The following PPP3CA variants were observed in gnomAD, a reference collection of about 807,000 sequenced individuals.
The protein encoded by PPP3CA is protein phosphatase 3 catalytic subunit alpha, also known as CAM-PRP catalytic subunit.
In PPP3CA, 14 loss-of-function variants were observed where a neutral mutation model predicts 66.5. The observed-to-expected ratio is 0.21, with a 90% confidence interval of 0.14 to 0.33. PPP3CA has a LOEUF of 0.33. Among genes scored for constraint, PPP3CA ranks in the 10% least tolerant of loss-of-function variants. The probability of loss-of-function intolerance (pLI) is 1.00; values close to 1 mark genes in which losing one functional copy is unlikely to be tolerated. For synonymous variants in PPP3CA, 232 were observed against 226.2 expected (o/e 1.03, Z -0.23); for missense variants, 317 against 639.5 (o/e 0.50, Z 5.44).
chr4:101,331,437 A>T (rs73835935), intron 1 of PPP3CA, among the ~76,000 whole-genome samples: 16,177 of 152,242 alleles, frequency 0.11, 2,922 homozygotes, highest in African/African-American at 0.37. Context: ...ATAATGTGCC[A>T]GGCATTGCAC....
intron 2 of PPP3CA, among the ~76,000 whole-genome samples, chr4:101,177,202 G>A (rs888326422): frequency 6.6e-6 from 1 of 152,082 alleles, no homozygotes; most frequent in Admixed American, 6.6e-5. Flanking sequence ...CAAAAGTTGA[G>A]GTTATCTCTT....
At position 101,069,397 on chromosome 4, in the gene PPP3CA, T is replaced by C. The variant is rs1728816969; in HGVS notation, c.956-6040A>G. Among the ~76,000 whole-genome samples the C allele has an allele frequency of 2.0e-5, 3 of 152,186 alleles. No individual in the cohort carries two copies. In the South Asian group the frequency reaches 6.2e-4, roughly 31 times the overall value. On this transcript the variant is annotated intron_variant, in intron 8 of 13. Transcript: ENST00000394854. The stretch of plus-strand genomic sequence containing the variant: ...CTTACTCACTAGGTGGAAATGGAAA[T>C]ACATTCTCAACCTCTATATACTTTA...
At chr4:101,159,156 C>A (rs951738383) in intron 2 of PPP3CA, among the ~76,000 whole-genome samples, 1 of 152,102 alleles carries the variant, frequency 6.6e-6, no homozygotes, top group Non-Finnish European at 1.5e-5. Context: ...ATACAGTCAG[C>A]CAAGATGTGA....
intron 1 of PPP3CA, among the ~76,000 whole-genome samples, chr4:101,197,381 T>G (rs1010597067): frequency 3.3e-4 from 51 of 152,348 alleles, no homozygotes; most frequent in African/African-American, 1.1e-3. Flanking sequence ...CATGATTTTC[T>G]GGACAATCCA....
intron 3 of PPP3CA, among the ~76,000 whole-genome samples, chr4:101,101,759 T>C (rs1379621542): frequency 6.6e-6 from 1 of 152,162 alleles, no homozygotes; most frequent in Non-Finnish European, 1.5e-5. Flanking sequence ...ATTTCAGCAT[T>C]CAGATGGCTC....
At chr4:101,185,077 G>A (rs1724368918) in intron 2 of PPP3CA, among the ~76,000 whole-genome samples, 1 of 151,906 alleles carries the variant, frequency 6.6e-6, no homozygotes, top group East Asian at 1.9e-4. Context: ...TTGGTCCTAT[G>A]CTAAAGTCAG....
At chr4:101,220,099 A>G (rs913886536) in intron 1 of PPP3CA, among the ~76,000 whole-genome samples, 2 of 151,872 alleles carry the variant, frequency 1.3e-5, no homozygotes, top group African/African-American at 2.4e-5. Flanking sequence ...ACTTAGGAAG[A>G]AAACATATTT....
At chr4:101,043,111 G>A (rs1284677340) in intron 10 of PPP3CA, among the ~76,000 whole-genome samples, 2 of 151,970 alleles carry the variant, frequency 1.3e-5, no homozygotes, top group Non-Finnish European at 2.9e-5. Context: ...ATATTTAGAA[G>A]CACAACAAGA....
chr4:101,157,858 T>C (rs1184600252), intron 2 of PPP3CA, among the ~76,000 whole-genome samples: 1 of 142,052 alleles, frequency 7.0e-6, no homozygotes, highest in Non-Finnish European at 1.5e-5. Flanking sequence ...AAACGGTTCC[T>C]TAGGAGGCAA....
intron 1 of PPP3CA, among the ~76,000 whole-genome samples, chr4:101,213,670 T>C (rs558771719): frequency 2.0e-5 from 3 of 152,270 alleles, no homozygotes; most frequent in South Asian, 2.1e-4. Flanking sequence ...AATAACCCTA[T>C]GTAATAGGTA....
intron 1 of PPP3CA, among the ~76,000 whole-genome samples, chr4:101,269,409 T>C (rs1727264319): frequency 1.3e-5 from 2 of 152,198 alleles, no homozygotes; most frequent in Middle Eastern, 3.4e-3. Context: ...TTTTTAAATC[T>C]AATTCTCTCT....
chr4:101,054,722 A>T (rs1400167898), intron 10 of PPP3CA, among the ~76,000 whole-genome samples: 1 of 152,060 alleles, frequency 6.6e-6, no homozygotes, highest in Admixed American at 6.6e-5. Flanking sequence ...TTCAAGGCAG[A>T]CTATGGAAGA....
In PPP3CA at chr4:101,032,499, A is replaced by T. The variant is rs113149411; in HGVS notation, c.1242-135T>A. The T allele has an allele frequency of 2.7e-4, 183 of 677,422 alleles. No homozygotes were observed. In the East Asian group the frequency reaches 3.9e-3, roughly 15 times the overall value. The allele number at this position is 677,422 out of a possible 1,614,324, so 42.0% of individuals were successfully genotyped here. Reference sequence around the variant, plus strand: ...TTGGCTCTCCGGATCTTTTTTTAAAATTTTTTTTAACATACTTTATTTTAA... The same window carrying T: ...TTGGCTCTCCGGATCTTTTTTTAAATTTTTTTTTAACATACTTTATTTTAA... On this transcript the variant is annotated intron_variant, in intron 11 of 13. Transcript: ENST00000394854.
intron 2 of PPP3CA, among the ~76,000 whole-genome samples, chr4:101,183,792 A>G (rs1724319016): frequency 6.6e-6 from 1 of 152,176 alleles, no homozygotes; most frequent in East Asian, 1.9e-4. Flanking sequence ...GACTTTCTCT[A>G]TCAAGGCTAT....
At chr4:101,220,536 T>G (rs1396047156) in intron 1 of PPP3CA, among the ~76,000 whole-genome samples, 2 of 151,738 alleles carry the variant, frequency 1.3e-5, no homozygotes. Flanking sequence ...GATCTAGCTT[T>G]TCTGATGCTG....
chr4:101,107,178 TCA>T (rs1730791321), intron 3 of PPP3CA, among the ~76,000 whole-genome samples: 1 of 152,234 alleles, frequency 6.6e-6, no homozygotes, highest in Non-Finnish European at 1.5e-5. Context: ...GTTCTTTGAT[TCA>T]GTCTTCCCAA....
intron 1 of PPP3CA, among the ~76,000 whole-genome samples, chr4:101,273,654 T>C (rs762677971): frequency 2.6e-5 from 4 of 152,160 alleles, no homozygotes; most frequent in Non-Finnish European, 4.4e-5. Context: ...TGATGACAGT[T>C]CACATTTAAG....
intron 1 of PPP3CA, among the ~76,000 whole-genome samples, chr4:101,279,116 A>C (rs1470112820): frequency 6.6e-6 from 1 of 152,222 alleles, no homozygotes; most frequent in African/African-American, 2.4e-5. Flanking sequence ...CAATGTTCTA[A>C]AGTCAAAAAT....
intron 2 of PPP3CA, among the ~76,000 whole-genome samples, chr4:101,154,954 C>T (rs1375616274): frequency 6.6e-6 from 1 of 151,418 alleles, no homozygotes; most frequent in Non-Finnish European, 1.5e-5. Context: ...GTAGCTGGGA[C>T]TACAGGTGCC....
Sources: allele counts gnomAD v4.1 joint callset (sites outside exome capture counted in the v4.1 genomes callset), GRCh38; gene constraint gnomAD v4.1.1; transcripts MANE v1.5; gene names NCBI Gene and HGNC (gene_info 2026-07-23, HGNC 2026-07-21).